Variants in ANKRD46 observed in about 807,000 individuals in gnomAD.
ANKRD46 encodes ankyrin repeat domain-containing protein 46.
ANKRD46 carries 13 observed loss-of-function variants against 19.8 expected under a neutral mutation model. That is an observed-to-expected ratio of 0.66 (90% CI 0.43 to 1.04). ANKRD46 has a LOEUF of 1.04. ANKRD46 is among the 50% of genes least tolerant of loss of function. ANKRD46 has a pLI of 0.00. For synonymous variants in ANKRD46, 91 were observed against 106.9 expected (o/e 0.85, Z 0.92); for missense variants, 185 against 274.8 (o/e 0.67, Z 2.31).
chr8:100,520,985 T>C lies in ANKRD46; in HGVS notation c.*1570A>G, dbSNP rs748377621. The C allele has an allele frequency of 2.3e-4, 230 of 985,184 alleles. No individual in the cohort carries two copies. Among genetic ancestry groups the C allele is most frequent in the Admixed American group, 1.5e-3 (24 of 16,272 alleles). The allele number at this position is 985,184 out of a possible 1,614,324, so 61.0% of individuals were successfully genotyped here. On this transcript the variant is annotated 3_prime_UTR_variant, in exon 5 of 5. Coordinates refer to ENST00000335659, the MANE Select transcript of ANKRD46 (RefSeq NM_001270377.2). ...CTGAATATACTTCAAATTTGAATTG[T>C]AGTGTTCTCCATTCCAAAGCCAGCT... is the stretch of plus-strand genomic sequence containing the variant.
chr8:100,542,598 C>G (rs1248681559), intron 1 of ANKRD46, among the ~76,000 whole-genome samples: 1 of 152,110 alleles, frequency 6.6e-6, no homozygotes, highest in Non-Finnish European at 1.5e-5. Context: ...TGTCCCTGCT[C>G]TGGACTAGGG....
rs1812023882 is a variant in ANKRD46 at position 100,534,467 on chromosome 8, T to C, written c.-130-1156A>G. Among the ~76,000 whole-genome samples, 1 of 152,218 alleles carries C rather than the reference T, an allele frequency of 6.6e-6. No individual in the cohort carries two copies. The highest frequency in any genetic ancestry group is 2.4e-5 in the African/African-American group (1 of 41,462). The stretch of plus-strand genomic sequence containing the variant: ...ACTTCATATCACGGAGCCACTTACC[T>C]TGATTTCCTTAAACAAATATTATGT... On this transcript the variant is annotated intron_variant, in intron 1 of 4. Coordinates refer to ENST00000335659, the MANE Select transcript of ANKRD46 (RefSeq NM_001270377.2). This position sits in a 1 kb window ranked among gnomAD's most constrained non-coding sequence, Gnocchi z 4.2.
Position 100,522,462 on chromosome 8 carries a change from C to A in ANKRD46, c.*93G>T. ...GCAAAAAGAACATGTACTGCCCTCA[C>A]TGCTTTGCGCTAAGAAAAATTCTGA... On this transcript the variant is annotated 3_prime_UTR_variant, in exon 5 of 5. Transcript: ENST00000335659. 6.5e-7 allele frequency: 1 copy of A among 1,534,568 alleles called. No homozygotes were observed. Among genetic ancestry groups the A allele is most frequent in the Admixed American group, 2.1e-5 (1 of 48,634 alleles).
rs1481492422 is a variant in ANKRD46 at position 100,536,569 on chromosome 8, T to TA, written c.-130-3259dup. Among the ~76,000 whole-genome samples the TA allele has an allele frequency of 2.0e-5, 3 of 152,120 alleles. No homozygotes were observed. Among genetic ancestry groups the TA allele is most frequent in the Non-Finnish European group, 2.9e-5 (2 of 68,006 alleles). ...CTTGCATACAGCACTGATCCCCTGGTAACAGAGCAGCTTCTGATAATGGGG... is the reference window on the plus strand; with the variant it reads ...CTTGCATACAGCACTGATCCCCTGGTAAACAGAGCAGCTTCTGATAATGGGG... On this transcript the variant is annotated intron_variant, in intron 1 of 4. Transcript: ENST00000335659. This position sits in a 1 kb window ranked among gnomAD's most constrained non-coding sequence, Gnocchi z 4.9.
At position 100,525,999 on chromosome 8, in the gene ANKRD46, C is replaced by T. The variant is rs1375430866; in HGVS notation, c.470+1846G>A. On this transcript the variant is annotated intron_variant, in intron 4 of 4. Transcript: ENST00000335659. The surrounding 1 kb of genome is among the most constrained non-coding windows in gnomAD (Gnocchi z 4.4). ...TTTTCCTAATGACATTACCTTTCAACTTTCTGATTTAAGCTTCAACCACTG... is the reference window on the plus strand; with the variant it reads ...TTTTCCTAATGACATTACCTTTCAATTTTCTGATTTAAGCTTCAACCACTG... Among the ~76,000 whole-genome samples the T allele has an allele frequency of 6.6e-6, 1 of 152,178 alleles. No homozygotes were observed. Among genetic ancestry groups the T allele is most frequent in the East Asian group, 1.9e-4 (1 of 5,204 alleles).
rs1812285401 is a variant in ANKRD46, at chr8:100,546,969, A to G, written c.-131+12742T>C. 1.3e-5 allele frequency among the ~76,000 whole-genome samples: 2 copies of G among 152,138 alleles called. No homozygotes were observed. The highest frequency in any genetic ancestry group is 2.4e-5 in the African/African-American group (1 of 41,432). ...CCATTTGGAATGGGAGCATTTACCC[A>G]ATGCCTGTGCCCTCATTGTATCTTG... On this transcript the variant is annotated intron_variant, in intron 1 of 4. Transcript: ENST00000335659. This position sits in a 1 kb window ranked among gnomAD's most constrained non-coding sequence, Gnocchi z 4.0.
At position 100,522,060 on chromosome 8, in the gene ANKRD46, A is replaced by C; in HGVS notation, c.*495T>G. 1 of 986,960 alleles carries C rather than the reference A, an allele frequency of 1.0e-6. No individual in the cohort carries two copies. 61.1% of individuals were successfully genotyped at this position (986,960 alleles called of 1,614,324 possible). A position where few individuals can be genotyped will look rare whatever the true frequency, so the allele number is the denominator to read the frequency against. On this transcript the variant is annotated 3_prime_UTR_variant, in exon 5 of 5. Coordinates refer to ENST00000335659, the MANE Select transcript of ANKRD46 (RefSeq NM_001270377.2). ...ATAGATGCTAACAATACTAATTTGCACACAAGATTTGAAAAAAGTACTTCA... is the reference window on the plus strand; with the variant it reads ...ATAGATGCTAACAATACTAATTTGCCCACAAGATTTGAAAAAAGTACTTCA...
At chr8:100,549,865 C>T (rs1460352912) in intron 1 of ANKRD46, among the ~76,000 whole-genome samples, 2 of 152,218 alleles carry the variant, frequency 1.3e-5, no homozygotes, top group Non-Finnish European at 2.9e-5. Flanking sequence ...TCTCTCTACC[C>T]AACCCCTGAT....
intron 1 of ANKRD46, chr8:100,558,914 G>A (rs763546871): frequency 6.6e-6 from 1 of 152,074 alleles, no homozygotes; most frequent in Non-Finnish European, 1.5e-5. Context: ...ACTGAAAATA[G>A]CTATTACTAG....
intron 5 of ANKRD46, among the ~76,000 whole-genome samples, chr8:100,512,457 G>A (rs1811563072): frequency 6.6e-6 from 1 of 152,334 alleles, no homozygotes; most frequent in East Asian, 1.9e-4. Flanking sequence ...GTTATTCATT[G>A]AGGATGTAGT....
chr8:100,520,210 G>A (rs1259099393), downstream of ANKRD46, among the ~76,000 whole-genome samples: 2 of 152,166 alleles, frequency 1.3e-5, no homozygotes, highest in African/African-American at 4.8e-5. Flanking sequence ...TCTACCACTG[G>A]GAAGATGTGT....
At chr8:100,541,792 A>G (rs1460075382) in intron 1 of ANKRD46, among the ~76,000 whole-genome samples, 1 of 152,212 alleles carries the variant, frequency 6.6e-6, no homozygotes, top group African/African-American at 2.4e-5. Context: ...CGGACTGCAT[A>G]TATGAAGGTG....
chr8:100,548,175 A>G (rs905484313), intron 1 of ANKRD46, among the ~76,000 whole-genome samples: 6 of 152,152 alleles, frequency 3.9e-5, no homozygotes, highest in Non-Finnish European at 8.8e-5. Flanking sequence ...AAATATGTCA[A>G]TGGCAGCCCA....
At chr8:100,514,818 T>G (rs1463044975) in intron 5 of ANKRD46, among the ~76,000 whole-genome samples, 2 of 151,970 alleles carry the variant, frequency 1.3e-5, no homozygotes, top group Admixed American at 6.6e-5. Flanking sequence ...TTTTGTATTT[T>G]TAGTAGAGAT....
At chr8:100,548,016 GTAT>G (rs1812307772) in intron 1 of ANKRD46, among the ~76,000 whole-genome samples, 1 of 151,812 alleles carries the variant, frequency 6.6e-6, no homozygotes. Flanking sequence ...CAAGCTAAAA[GTAT>G]TTTTAGTAGC....
intron 1 of ANKRD46, among the ~76,000 whole-genome samples, chr8:100,538,634 T>C (rs1486245163): frequency 6.6e-6 from 1 of 152,080 alleles, no homozygotes; most frequent in Non-Finnish European, 1.5e-5. Flanking sequence ...TCAAACAGAA[T>C]TACAGGCACT....
chr8:100,549,960 C>A (rs559905292), intron 1 of ANKRD46, among the ~76,000 whole-genome samples: 2 of 152,296 alleles, frequency 1.3e-5, no homozygotes, highest in Admixed American at 1.3e-4. Flanking sequence ...AGATTGGCTT[C>A]TTTCCCTCAT....
chr8:100,547,030 T>A (rs1812286380), intron 1 of ANKRD46, among the ~76,000 whole-genome samples: 1 of 152,210 alleles, frequency 6.6e-6, no homozygotes, highest in African/African-American at 2.4e-5. Context: ...TACAGACTCA[T>A]AGGTGGAAGA....
At chr8:100,526,390 T>G (rs1341704943) in intron 4 of ANKRD46, among the ~76,000 whole-genome samples, 2 of 152,242 alleles carry the variant, frequency 1.3e-5, no homozygotes, top group African/African-American at 4.8e-5. Flanking sequence ...TTAAAGTACT[T>G]AATGTTATTT....
Sources: gnomAD v4.1 joint callset for allele counts (sites outside exome capture counted in the v4.1 genomes callset) on GRCh38, gnomAD v4.1.1 for gene constraint, Gnocchi (gnomAD v3.1) non-coding constraint, MANE v1.5 for transcripts, NCBI Gene and HGNC (gene_info 2026-07-23, HGNC 2026-07-21) for gene names.